The following DACH1 variants were observed in gnomAD, a reference collection of about 807,000 sequenced individuals.
DACH1 encodes the protein dachshund homolog 1.
In DACH1, 12 loss-of-function variants were observed where a neutral mutation model predicts 54.2. The ratio of observed to expected loss-of-function variants is 0.22; its 90% CI spans 0.14 to 0.36. The LOEUF is 0.36. Ranked by LOEUF, DACH1 falls within the 10% of genes least tolerant of loss-of-function variation. The pLI, the probability that DACH1 is intolerant of heterozygous loss-of-function variation, is 1.00. For missense variants in DACH1, 805 were observed against 929.8 expected (o/e 0.87, Z 1.75); for synonymous variants, 386 against 366.2 (o/e 1.05, Z -0.62).
intron 2 of DACH1, chr13:71,675,605 T>C: frequency 4.9e-6 from 3 of 615,558 alleles, no homozygotes; most frequent in South Asian, 4.1e-5. Flanking sequence ...AAGTCTATGA[T>C]TGCGAGTGGA....
At chr13:71,620,181 A>C (rs966940060) in intron 3 of DACH1, among the ~76,000 whole-genome samples, 6 of 151,988 alleles carry the variant, frequency 3.9e-5, no homozygotes, top group Non-Finnish European at 8.8e-5. Context: ...TATAGTTAGG[A>C]TATGCAAATG....
intron 1 of DACH1, among the ~76,000 whole-genome samples, chr13:71,843,662 GAA>G (rs768358462): frequency 6.6e-6 from 1 of 152,120 alleles, no homozygotes; most frequent in Non-Finnish European, 1.5e-5. Flanking sequence ...ACACTAGACT[GAA>G]GTTTACAATT....
intron 1 of DACH1, among the ~76,000 whole-genome samples, chr13:71,691,749 T>C (rs1352535801): frequency 6.6e-6 from 1 of 152,218 alleles, no homozygotes; most frequent in Non-Finnish European, 1.5e-5. Context: ...GCCTGACCTT[T>C]TAATATGTGG....
In DACH1 at chr13:71,511,722, A is replaced by G. The variant is rs181731663; in HGVS notation, c.1571-22574T>C. Among the ~76,000 whole-genome samples, 133 of 152,132 alleles carry G rather than the reference A, an allele frequency of 8.7e-4. 1 individual carries two copies. The highest frequency in any genetic ancestry group is 3.1e-3 in the African/African-American group (129 of 41,542). ...AACAAACCTTACTAGCCTCTTAGGT[A>G]TGGAACTAAAATTATAATGATTACC... On this transcript the variant is annotated intron_variant, in intron 6 of 10. Transcript: ENST00000613252.
chr13:71,525,612 T>C (rs757486950), intron 6 of DACH1, among the ~76,000 whole-genome samples: 1 of 152,084 alleles, frequency 6.6e-6, no homozygotes, highest in Non-Finnish European at 1.5e-5. Flanking sequence ...CAAAACAAAA[T>C]AATAAGTGTT....
chr13:71,718,270 A>G (rs1195390543), intron 1 of DACH1, among the ~76,000 whole-genome samples: 147 of 152,160 alleles, frequency 9.7e-4, no homozygotes, highest in Non-Finnish European at 1.8e-4. Flanking sequence ...AAGAAAGAGC[A>G]TAACAGTTAG....
intron 1 of DACH1, among the ~76,000 whole-genome samples, chr13:71,865,245 T>C (rs1023535833): frequency 6.6e-6 from 1 of 152,206 alleles, no homozygotes; most frequent in Non-Finnish European, 1.5e-5. Flanking sequence ...TGGCTTCCCC[T>C]CCGGGCTTCG....
intron 1 of DACH1, among the ~76,000 whole-genome samples, chr13:71,741,306 T>C (rs1236894782): frequency 3.3e-5 from 5 of 152,090 alleles, no homozygotes; most frequent in Non-Finnish European, 7.4e-5. Context: ...AAAAGAAAAA[T>C]GCCCACAAGG....
At chr13:71,665,288 A>G (rs887370039) in intron 2 of DACH1, among the ~76,000 whole-genome samples, 2 of 152,036 alleles carry the variant, frequency 1.3e-5, no homozygotes, top group Non-Finnish European at 2.9e-5. Context: ...ACTAAAATTC[A>G]AACATAATGG....
intron 1 of DACH1, among the ~76,000 whole-genome samples, chr13:71,756,712 T>G (rs541530672): frequency 2.0e-5 from 3 of 152,068 alleles, no homozygotes; most frequent in Non-Finnish European, 4.4e-5. Flanking sequence ...ACAATCATCT[T>G]TAGAGTAGAA....
At chr13:71,755,718 A>G (rs1566481166) in intron 1 of DACH1, among the ~76,000 whole-genome samples, 1 of 152,170 alleles carries the variant, frequency 6.6e-6, no homozygotes, top group African/African-American at 2.4e-5. Flanking sequence ...CCAAATTACT[A>G]TCTAAGAATA....
intron 1 of DACH1, among the ~76,000 whole-genome samples, chr13:71,799,033 C>G (rs183936068): frequency 1.3e-5 from 2 of 152,062 alleles, no homozygotes; most frequent in East Asian, 3.9e-4. Flanking sequence ...TCCAGAGACA[C>G]AACCTGTTTT....
intron 1 of DACH1, among the ~76,000 whole-genome samples, chr13:71,850,103 T>A (rs552529432): frequency 1.2e-4 from 18 of 152,316 alleles, no homozygotes; most frequent in African/African-American, 4.3e-4. Context: ...TCCTATAATA[T>A]GTTGGGGAAG....
At chr13:71,482,994 G>T (rs1878180666) in intron 7 of DACH1, among the ~76,000 whole-genome samples, 1 of 151,440 alleles carries the variant, frequency 6.6e-6, no homozygotes, top group African/African-American at 2.4e-5. Flanking sequence ...GTAGAGACGG[G>T]GTTTTGTCAT....
chr13:71,692,759 G>A (rs556985580), intron 1 of DACH1, among the ~76,000 whole-genome samples: 1 of 151,906 alleles, frequency 6.6e-6, no homozygotes, highest in South Asian at 2.1e-4. Context: ...CTGACCTCTT[G>A]ATCCGCCCAT....
intron 1 of DACH1, among the ~76,000 whole-genome samples, chr13:71,792,786 A>C (rs1886887660): frequency 6.6e-6 from 1 of 152,152 alleles, no homozygotes; most frequent in Non-Finnish European, 1.5e-5. Context: ...CTTTGCTCTC[A>C]GTGTTAATAT....
intron 10 of DACH1, among the ~76,000 whole-genome samples, chr13:71,472,903 C>T (rs1877211104): frequency 6.6e-6 from 1 of 152,112 alleles, no homozygotes; most frequent in African/African-American, 2.4e-5. Context: ...TGTTTGTTAG[C>T]TTCCAAATGT....
At chr13:71,709,298 T>G (rs914098427) in intron 1 of DACH1, among the ~76,000 whole-genome samples, 1 of 152,172 alleles carries the variant, frequency 6.6e-6, no homozygotes, top group Non-Finnish European at 1.5e-5. Flanking sequence ...CTATTATCCA[T>G]GGTTTTGCTC....
chr13:71,547,919 C>T (rs775618623), intron 6 of DACH1, among the ~76,000 whole-genome samples: 1 of 152,096 alleles, frequency 6.6e-6, no homozygotes, highest in Non-Finnish European at 1.5e-5. Flanking sequence ...GCACAAGAAA[C>T]AACAGGGGTG....
Sources: gnomAD v4.1 joint callset for allele counts (sites outside exome capture counted in the v4.1 genomes callset) on GRCh38, gnomAD v4.1.1 for gene constraint, MANE v1.5 for transcripts, NCBI Gene and HGNC (gene_info 2026-07-23, HGNC 2026-07-21) for gene names.